RALGAPA2: variants seen among roughly 807,000 people sequenced by gnomAD.
The protein encoded by RALGAPA2 is ral GTPase-activating protein subunit alpha-2.
Under a neutral mutation model 230.4 loss-of-function variants are expected in RALGAPA2, and 139 were observed. That is an observed-to-expected ratio of 0.60 (90% CI 0.53 to 0.69). The LOEUF (loss-of-function observed/expected upper bound fraction) is 0.69, where lower values mean the gene tolerates loss of function less well. Among genes scored for constraint, RALGAPA2 ranks in the 30% least tolerant of loss-of-function variants. RALGAPA2 has a pLI of 0.00. For synonymous variants in RALGAPA2, 847 were observed against 837.8 expected (o/e 1.01, Z -0.19); for missense variants, 2,163 against 2,276.0 (o/e 0.95, Z 1.01).
chr20:20,576,163 C>T (rs905489163), intron 20 of RALGAPA2, among the ~76,000 whole-genome samples: 1 of 152,010 alleles, frequency 6.6e-6, no homozygotes, highest in African/African-American at 2.4e-5. Flanking sequence ...AATATAGTTT[C>T]CATATACTCC....
At chr20:20,583,704 T>C (rs953383913) in intron 19 of RALGAPA2, among the ~76,000 whole-genome samples, 20 of 152,210 alleles carry the variant, frequency 1.3e-4, no homozygotes, top group Non-Finnish European at 7.3e-5. Flanking sequence ...TCTGGGGATA[T>C]AGTGTCCCAA....
At position 20,513,074 on chromosome 20, in the gene RALGAPA2, T is replaced by C. The variant is rs753760374; in HGVS notation, c.4295A>G (p.Asn1432Ser). 7 of 1,608,002 alleles carry C rather than the reference T, an allele frequency of 4.4e-6. No individual in the cohort carries two copies. The highest frequency in any genetic ancestry group is 5.9e-6 in the Non-Finnish European group (7 of 1,177,496). Reference protein sequence around the residue: ...RSPNLQLFVFNDSTLISYLQT... With the variant: ...RSPNLQLFVFSDSTLISYLQT... ...AAGGTAGGAGATGAGGGTGCTATCA[T>C]TAAATACAAACAGCTGCAGGTTTGG... Residue 1432 changes from asparagine to serine, a missense_variant, in exon 32 of 40, where the codon AAT becomes AGT. By Grantham distance (46) the Asn-to-Ser change is conservative. Coordinates refer to ENST00000202677, the MANE Select transcript of RALGAPA2 (RefSeq NM_020343.4).
At chr20:20,485,865 T>G (rs2061896594) in intron 36 of RALGAPA2, among the ~76,000 whole-genome samples, 1 of 152,152 alleles carries the variant, frequency 6.6e-6, no homozygotes, top group South Asian at 2.1e-4. Context: ...AAGGGCTGGG[T>G]GTGGTGGCTC....
chr20:20,552,080 T>C (rs1295816856), intron 23 of RALGAPA2, among the ~76,000 whole-genome samples: 1 of 152,178 alleles, frequency 6.6e-6, no homozygotes, highest in Non-Finnish European at 1.5e-5. Flanking sequence ...AACAAAAACA[T>C]TTCAACATAG....
chr20:20,595,025 A>G (rs2065409637), intron 16 of RALGAPA2, among the ~76,000 whole-genome samples: 1 of 152,100 alleles, frequency 6.6e-6, no homozygotes. Context: ...GGCCTAAACT[A>G]TTACTTTCTA....
At chr20:20,492,007 T>C (rs2062072641) in intron 36 of RALGAPA2, among the ~76,000 whole-genome samples, 1 of 152,164 alleles carries the variant, frequency 6.6e-6, no homozygotes, top group South Asian at 2.1e-4. Context: ...ACATAATTTG[T>C]ATATTTAAGG....
At chr20:20,559,487 T>C (rs778822927) in intron 23 of RALGAPA2, among the ~76,000 whole-genome samples, 1 of 152,210 alleles carries the variant, frequency 6.6e-6, no homozygotes, top group Non-Finnish European at 1.5e-5. Context: ...ACACCTGTCC[T>C]GCCCATCGTA....
chr20:20,701,708 C>T (rs900180181), intron 1 of RALGAPA2, among the ~76,000 whole-genome samples: 3 of 151,094 alleles, frequency 2.0e-5, no homozygotes, highest in Non-Finnish European at 2.9e-5. Context: ...CCAGCCTGGG[C>T]GACAGAGCAG....
chr20:20,478,813 T>C (rs774812613), intron 36 of RALGAPA2, among the ~76,000 whole-genome samples: 12 of 151,338 alleles, frequency 7.9e-5, no homozygotes, highest in Non-Finnish European at 1.5e-4. Flanking sequence ...CATCATGCAA[T>C]ATACCCAGGT....
chr20:20,426,973 AGAG>A (rs2060396321), intron 37 of RALGAPA2, among the ~76,000 whole-genome samples: 1 of 152,168 alleles, frequency 6.6e-6, no homozygotes, highest in Non-Finnish European at 1.5e-5. Context: ...ATTTTTTTGT[AGAG>A]GAGGAAATTG....
chr20:20,616,414 C>T (rs190684164), intron 12 of RALGAPA2, among the ~76,000 whole-genome samples: 3 of 151,906 alleles, frequency 2.0e-5, no homozygotes, highest in African/African-American at 7.3e-5. Context: ...AAGCCTTTCC[C>T]TAGGGGAAAA....
chr20:20,579,498 A>C (rs2064920398), intron 20 of RALGAPA2, among the ~76,000 whole-genome samples: 1 of 152,222 alleles, frequency 6.6e-6, no homozygotes, highest in South Asian at 2.1e-4. Flanking sequence ...AAGAACATGG[A>C]AAGAAAAGAG....
At chr20:20,618,670 C>T (rs1446310375) in intron 12 of RALGAPA2, among the ~76,000 whole-genome samples, 1 of 152,104 alleles carries the variant, frequency 6.6e-6, no homozygotes, top group Non-Finnish European at 1.5e-5. Context: ...ATGAGAGGCA[C>T]CCTGTATTTT....
At chr20:20,406,818 T>G (rs1450257485) in intron 38 of RALGAPA2, among the ~76,000 whole-genome samples, 1 of 152,150 alleles carries the variant, frequency 6.6e-6, no homozygotes, top group African/African-American at 2.4e-5. Context: ...AGGCTGAGGC[T>G]AGAGGATTGC....
intron 4 of RALGAPA2, among the ~76,000 whole-genome samples, chr20:20,645,222 C>G (rs962541091): frequency 7.0e-6 from 1 of 143,586 alleles, no homozygotes; most frequent in African/African-American, 2.5e-5. Flanking sequence ...TCTAGCAATT[C>G]TCCTGCCTCA....
In RALGAPA2 at chr20:20,691,548, T is replaced by TA. The variant is rs201082970; in HGVS notation, c.107-10748dup. The stretch of plus-strand genomic sequence containing the variant: ...ATGATGTATAATAAAACAAACACCT[T>TA]AAATCACCCACCCAACAAAAGCATC... On this transcript the variant is annotated intron_variant, in intron 1 of 39. Transcript: ENST00000202677. Among the ~76,000 whole-genome samples, 1,104 of 152,292 alleles carry TA rather than the reference T, an allele frequency of 7.2e-3. 11 individuals are homozygous for TA. The highest frequency in any genetic ancestry group is 0.026 in the African/African-American group (1,060 of 41,532).
intron 24 of RALGAPA2, 121 bp downstream of exon 24, chr20:20,546,583 T>C: frequency 1.6e-6 from 2 of 1,280,440 alleles, no homozygotes; most frequent in Non-Finnish European, 2.0e-6. Context: ...GTATCTACCC[T>C]GAGAGCCCAG....
Position 20,437,358 on chromosome 20 carries a change from C to G in RALGAPA2, c.5496-25210G>C, listed in dbSNP as rs1051474924. Among the ~76,000 whole-genome samples, 2 of 152,144 alleles carry G rather than the reference C, an allele frequency of 1.3e-5. No individual in the cohort carries two copies. Among genetic ancestry groups the G allele is most frequent in the Admixed American group, 6.5e-5 (1 of 15,284 alleles). Reference sequence around the variant, plus strand: ...TCACCACCACACGCCACCATCCAGGCCACGCCATTGTCATTTCGTTCCTGG... The same window carrying G: ...TCACCACCACACGCCACCATCCAGGGCACGCCATTGTCATTTCGTTCCTGG... On this transcript the variant is annotated intron_variant, in intron 37 of 39. Transcript: ENST00000202677. This position sits in a 1 kb window ranked among gnomAD's most constrained non-coding sequence, Gnocchi z 4.1.
intron 37 of RALGAPA2, among the ~76,000 whole-genome samples, chr20:20,442,694 C>T (rs933967315): frequency 7.9e-5 from 12 of 152,196 alleles, no homozygotes; most frequent in African/African-American, 2.9e-4. Context: ...TTATAAGATC[C>T]ACCTTGAACA....
Sources: gnomAD v4.1 joint callset for allele counts (sites outside exome capture counted in the v4.1 genomes callset) on GRCh38, gnomAD v4.1.1 for gene constraint, Gnocchi (gnomAD v3.1) non-coding constraint, MANE v1.5 for transcripts, NCBI Gene and HGNC (gene_info 2026-07-23, HGNC 2026-07-21) for gene names.